TARS3: variants seen among roughly 807,000 people sequenced by gnomAD.
TARS3 encodes threonyl-tRNA synthetase 3.
TARS3 carries 94 observed loss-of-function variants against 103.5 expected under a neutral mutation model. The ratio of observed to expected loss-of-function variants is 0.91; its 90% CI spans 0.77 to 1.08. The LOEUF is 1.08. Ranked by LOEUF, TARS3 falls within the 50% of genes least tolerant of loss-of-function variation. The pLI is 0.00. For synonymous variants in TARS3, 416 were observed against 355.4 expected (o/e 1.17, Z -1.92); for missense variants, 952 against 995.2 (o/e 0.96, Z 0.58).
Position 101,702,271 on chromosome 15 carries a change from C to A in TARS3, c.1189G>T (p.Ala397Ser), listed in dbSNP as rs748639394. The A allele has an allele frequency of 6.2e-7, 1 of 1,614,068 alleles. No homozygotes were observed. The highest frequency in any genetic ancestry group is 1.7e-5 in the Admixed American group (1 of 59,998). Residue 397 changes from alanine to serine, a missense_variant, in exon 9 of 19, where the codon GCA becomes TCA. Ala to Ser is a moderately conservative substitution (Grantham distance 99). Coordinates refer to ENST00000335968, the MANE Select transcript of TARS3 (RefSeq NM_152334.3). ...ATCTTCCTGTGATCTCGGTTCTTTG[C>A]TTCCTCTTGGAACTTTTCCCAGTCT... ...MRDWEKFQEE[A>S]KNRDHRKIGK... is the part of the protein sequence containing the mutation.
chr15:101,718,852 T>C lies in TARS3; in HGVS notation c.566+2274A>G, dbSNP rs192292933. Among the ~76,000 whole-genome samples the C allele has an allele frequency of 2.6e-3, 397 of 152,326 alleles. 1 individual carries two copies. The highest frequency in any genetic ancestry group is 4.5e-3 in the Non-Finnish European group (308 of 68,024). On this transcript the variant is annotated intron_variant, in intron 3 of 18. Coordinates refer to ENST00000335968, the MANE Select transcript of TARS3 (RefSeq NM_152334.3). The stretch of plus-strand genomic sequence containing the variant: ...TACTATGGCTAACTGATCATGGTAA[T>C]TGTATTGCCAAACAAATCATAAGCT...
At chr15:101,662,855 G>A (rs1273196501) in intron 15 of TARS3, among the ~76,000 whole-genome samples, 1 of 152,172 alleles carries the variant, frequency 6.6e-6, no homozygotes, top group Non-Finnish European at 1.5e-5. Context: ...CTTAAGAAGA[G>A]CAAATAGTGA....
intron 16 of TARS3, 150 bp from the exon 17 acceptor site, chr15:101,658,007 T>C (rs893865755): frequency 7.6e-6 from 4 of 523,604 alleles, no homozygotes; most frequent in African/African-American, 2.0e-5. Flanking sequence ...ATATTAAAGT[T>C]TGAAGGCAGC....
chr15:101,714,753 T>G, intron 4 of TARS3, 87 bp downstream of exon 4: 1 of 1,269,510 alleles, frequency 7.9e-7, no homozygotes, highest in Non-Finnish European at 1.1e-6. Context: ...AAACTCAACA[T>G]TCGTGACTTC....
intron 15 of TARS3, among the ~76,000 whole-genome samples, chr15:101,666,474 C>CAAAAAAAA (rs11450994): frequency 6.6e-5 from 3 of 45,612 alleles, no homozygotes; most frequent in African/African-American, 7.9e-5. Flanking sequence ...AGACTCATCT[C>CAAAAAAAA]AAAAAAAAAA....
At chr15:101,682,153 A>C (rs1358391536) in intron 12 of TARS3, among the ~76,000 whole-genome samples, 1 of 152,168 alleles carries the variant, frequency 6.6e-6, no homozygotes, top group Non-Finnish European at 1.5e-5. Context: ...ATCAGAAAGA[A>C]CCTGCAGTAC....
chr15:101,723,251 T>G, intron 1 of TARS3, 87 bp from the exon 2 acceptor site: 1 of 1,239,982 alleles, frequency 8.1e-7, no homozygotes, highest in Non-Finnish European at 1.2e-6. Context: ...AGGCTGCAAG[T>G]GCCCCGTGTT....
At chr15:101,700,440 A>C (rs1410861433) in intron 10 of TARS3, among the ~76,000 whole-genome samples, 1 of 152,194 alleles carries the variant, frequency 6.6e-6, no homozygotes, top group East Asian at 1.9e-4. Flanking sequence ...TTCATGGCTT[A>C]ACACTCTGTA....
chr15:101,697,786 C>A (rs1418958084), intron 10 of TARS3, among the ~76,000 whole-genome samples: 1 of 152,176 alleles, frequency 6.6e-6, no homozygotes, highest in Non-Finnish European at 1.5e-5. Flanking sequence ...GCTTTGTAGA[C>A]CCTTTCCATT....
At chr15:101,661,586 T>A in intron 16 of TARS3, 126 bp downstream of exon 16, 1 of 582,984 alleles carries the variant, frequency 1.7e-6, no homozygotes, top group Non-Finnish European at 2.9e-6. Flanking sequence ...TTTCTTTTGT[T>A]ACTACTTTTT....
chr15:101,662,071 C>T (rs530646942), intron 15 of TARS3, among the ~76,000 whole-genome samples: 1 of 152,102 alleles, frequency 6.6e-6, no homozygotes, highest in Admixed American at 6.5e-5. Context: ...CTTCCACATA[C>T]CCTCTCTCAG....
In TARS3 at chr15:101,724,457, A is replaced by G; in HGVS notation, c.-70T>C. On this transcript the variant is annotated 5_prime_UTR_variant, in exon 1 of 19. Transcript: ENST00000335968. Reference sequence around the variant, plus strand: ...TGCGGCGAGGGCGACGCGGACACTCAGCGCACGGCAGAAGACAGGGCTCCC... The same window carrying G: ...TGCGGCGAGGGCGACGCGGACACTCGGCGCACGGCAGAAGACAGGGCTCCC... 1.5e-6 allele frequency: 2 copies of G among 1,343,204 alleles called. No homozygotes were observed. Among genetic ancestry groups the G allele is most frequent in the African/African-American group, 1.6e-5 (1 of 64,510 alleles). 83.2% of individuals were successfully genotyped at this position (1,343,204 alleles called of 1,614,324 possible). A position where few individuals can be genotyped will look rare whatever the true frequency, so the allele number is the denominator to read the frequency against.
intron 15 of TARS3, among the ~76,000 whole-genome samples, chr15:101,671,247 A>G (rs1210334068): frequency 6.6e-6 from 1 of 152,200 alleles, no homozygotes; most frequent in Non-Finnish European, 1.5e-5. Flanking sequence ...AGCCTGGATC[A>G]TATTTTCATG....
chr15:101,658,653 G>T (rs7178457), intron 16 of TARS3, among the ~76,000 whole-genome samples: 5 of 152,296 alleles, frequency 3.3e-5, no homozygotes, highest in Non-Finnish European at 5.9e-5. Context: ...ACACAAATGA[G>T]TGCATGTGAG....
At chr15:101,658,446 ATGTAATATT>A (rs1897260388) in intron 16 of TARS3, among the ~76,000 whole-genome samples, 2 of 151,632 alleles carry the variant, frequency 1.3e-5, no homozygotes, top group Non-Finnish European at 2.9e-5. Flanking sequence ...AAATCCATTT[ATGTAATATT>A]CTTTATATGA....
In TARS3 at chr15:101,724,263, C is replaced by T. The variant is rs1238021697; in HGVS notation, c.125G>A (p.Ser42Asn). ...LRDEQLNAPYSCQAEGPCLTR... is the reference protein window; with the variant it reads ...LRDEQLNAPYNCQAEGPCLTR... ...GAGGCACGGCCCCTCCGCCTGGCAG[C>T]TGTAGGGCGCGTTCAGCTGCTCGTC... The change falls in exon 1 of 19, where the codon AGC (serine) becomes AAC (asparagine). Residue 42 changes from serine to asparagine, a missense_variant. Around this residue, in one of 2 missense-constraint regions of TARS3, gnomAD observed 412 missense variants for 364.2 expected, o/e 1.13. Coordinates refer to ENST00000335968, the MANE Select transcript of TARS3 (RefSeq NM_152334.3). 2.6e-6 allele frequency: 4 copies of T among 1,568,338 alleles called. No homozygotes were observed. Among genetic ancestry groups the T allele is most frequent in the Admixed American group, 3.6e-5 (2 of 55,632 alleles).
Position 101,705,865 on chromosome 15 carries a change from A to C in TARS3, c.931-118T>G, listed in dbSNP as rs1052148229. On this transcript the variant is annotated intron_variant, in intron 6 of 18. Coordinates refer to ENST00000335968, the MANE Select transcript of TARS3 (RefSeq NM_152334.3). ...CTACTGATGTTCTAGGTGCTGAGACACGAGGGATACAAAGAGCTCACAGCC... is the reference window on the plus strand; with the variant it reads ...CTACTGATGTTCTAGGTGCTGAGACCCGAGGGATACAAAGAGCTCACAGCC... 9.5e-6 allele frequency: 8 copies of C among 846,402 alleles called. 1 individual carries two copies. In the Admixed American group the frequency reaches 1.7e-4, roughly 18 times the overall value. 52.4% of individuals were successfully genotyped at this position (846,402 alleles called of 1,614,324 possible).
intron 2 of TARS3, among the ~76,000 whole-genome samples, chr15:101,721,960 C>G (rs1206704599): frequency 6.6e-6 from 1 of 152,106 alleles, no homozygotes; most frequent in Non-Finnish European, 1.5e-5. Context: ...AGGATTTTGC[C>G]CAACTGTAAG....
At position 101,711,898 on chromosome 15, in the gene TARS3, T is replaced by C. The variant is rs1318170228; in HGVS notation, c.794A>G (p.Asp265Gly). The C allele has an allele frequency of 6.2e-7, 1 of 1,613,926 alleles. No homozygotes were observed. The highest frequency in any genetic ancestry group is 2.2e-5 in the East Asian group (1 of 44,874). ...GTGTTACCTGTCTTCAATGAACATG[T>C]CATAATAAAATCCATTTTCAATGGG... is the stretch of plus-strand genomic sequence containing the variant. Reference protein sequence around the residue: ...GPPIENGFYYDMFIEDRAVSS... With the variant: ...GPPIENGFYYGMFIEDRAVSS... Residue 265 changes from aspartate to glycine, a missense_variant, in exon 5 of 19, where the codon GAC (aspartate) becomes GGC (glycine). This residue lies in a region of TARS3 where 412 missense variants were observed against 364.2 expected (regional missense o/e 1.13). Coordinates refer to ENST00000335968, the MANE Select transcript of TARS3 (RefSeq NM_152334.3).
Sources: allele counts gnomAD v4.1 joint callset (sites outside exome capture counted in the v4.1 genomes callset), GRCh38; gene constraint gnomAD v4.1.1; regional missense constraint gnomAD v4.1.1; transcripts MANE v1.5; gene names NCBI Gene and HGNC (gene_info 2026-07-23, HGNC 2026-07-21).